NBPF11: variants seen among roughly 807,000 people sequenced by gnomAD.
The protein encoded by NBPF11 is NBPF family member NBPF11.
NBPF11 carries 72 observed loss-of-function variants against 93.9 expected under a neutral mutation model. That is an observed-to-expected ratio of 0.77 (90% confidence interval 0.63 to 0.93). The LOEUF (loss-of-function observed/expected upper bound fraction) is 0.93. Among genes scored for constraint, NBPF11 ranks in the 40% least tolerant of loss-of-function variants. NBPF11 has a pLI of 0.00. For synonymous variants in NBPF11, 224 were observed against 304.9 expected (o/e 0.73, Z 2.76); for missense variants, 705 against 802.2 (o/e 0.88, Z 1.46).
At chr1:148,113,432 T>C (rs1317877313) in intron 15 of NBPF11, among the ~76,000 whole-genome samples, 1 of 149,648 alleles carries the variant, frequency 6.7e-6, no homozygotes, top group Non-Finnish European at 1.5e-5. Flanking sequence ...ATCCTAAATA[T>C]ATATGCACCC....
chr1:148,149,184 T>G, intron 1 of NBPF11: 4 of 1,587,728 alleles, frequency 2.5e-6, no homozygotes, highest in South Asian at 2.2e-5. Context: ...CCGGACAGCA[T>G]CATCCTGTAC....
intron 4 of NBPF11, among the ~76,000 whole-genome samples, chr1:148,133,049 C>T (rs1160616346): frequency 6.7e-6 from 1 of 149,266 alleles, no homozygotes; most frequent in African/African-American, 2.5e-5. Context: ...GGTGCCCAGT[C>T]TGTTGAATTT....
chr1:148,146,364 C>T (rs1306187284), intron 1 of NBPF11: 4 of 1,516,754 alleles, frequency 2.6e-6, no homozygotes, highest in East Asian at 2.5e-5. Context: ...GCGGGGGCCC[C>T]GGTGGAGGCC....
chr1:148,103,110 G>T lies in NBPF11; in HGVS notation c.*786C>A, dbSNP rs1419757157. On this transcript the variant is annotated 3_prime_UTR_variant, in exon 24 of 24. Coordinates refer to ENST00000682118, the MANE Select transcript of NBPF11 (RefSeq NM_001385469.3). ...TTCCTAAGTACTGACACCAATTGGA[G>T]GCTGAAGGACTGTGGCTTCTCTAAC... The T allele has an allele frequency of 7.4e-5, 13 of 175,734 alleles. No individual in the cohort carries two copies. Among genetic ancestry groups the T allele is most frequent in the Admixed American group, 5.7e-5 (1 of 17,670 alleles). 10.9% of individuals were successfully genotyped at this position (175,734 alleles called of 1,614,324 possible). A position where few individuals can be genotyped will look rare whatever the true frequency, so the allele number is the denominator to read the frequency against.
Position 148,125,008 on chromosome 1 carries a change from A to G in NBPF11, c.176-7T>C. 5 of 1,571,078 alleles carry G rather than the reference A, an allele frequency of 3.2e-6. No individual in the cohort carries two copies. The highest frequency in any genetic ancestry group is 4.4e-6 in the Non-Finnish European group (5 of 1,146,416). On this transcript the variant is annotated splice_region_variant and splice_polypyrimidine_tract_variant and intron_variant, in intron 5 of 23. Coordinates refer to ENST00000682118, the MANE Select transcript of NBPF11 (RefSeq NM_001385469.3). The stretch of plus-strand genomic sequence containing the variant: ...TCTTTACACTCTTCATACTCTGAGA[A>G]AAGACAGACACGCCTGCCTCAGTGG...
chr1:148,114,561 T>G, intron 14 of NBPF11, 73 bp from the exon 15 acceptor site: 1 of 548,254 alleles, frequency 1.8e-6, no homozygotes, highest in Non-Finnish European at 3.2e-6. Context: ...CACTGTCCAG[T>G]CATAGCACAA....
intron 1 of NBPF11, among the ~76,000 whole-genome samples, chr1:148,148,360 G>A (rs1381270692): frequency 1.3e-5 from 2 of 152,202 alleles, no homozygotes; most frequent in African/African-American, 4.8e-5. Flanking sequence ...AGAGTTGTGG[G>A]GTCCCGGCAT....
chr1:148,108,391 T>G, intron 18 of NBPF11, 91 bp downstream of exon 18: 1 of 833,020 alleles, frequency 1.2e-6, no homozygotes. Flanking sequence ...CAATGACATC[T>G]CTCAGCTCAG....
intron 18 of NBPF11, among the ~76,000 whole-genome samples, 186 bp from the exon 19 acceptor site, chr1:148,107,948 A>G (rs1571409518): frequency 6.6e-6 from 1 of 151,470 alleles, no homozygotes; most frequent in African/African-American, 2.4e-5. Context: ...TGTCCCAGAA[A>G]CTGTGGGTAA....
In NBPF11 at chr1:148,103,330, C is replaced by T; in HGVS notation, c.*566G>A. 2.6e-6 allele frequency: 1 copy of T among 387,830 alleles called. No individual in the cohort carries two copies. The highest frequency in any genetic ancestry group is 4.9e-6 in the Non-Finnish European group (1 of 205,894). The allele number at this position is 387,830 out of a possible 1,614,324, so 24.0% of individuals were successfully genotyped here. On this transcript the variant is annotated 3_prime_UTR_variant, in exon 24 of 24. Coordinates refer to ENST00000682118, the MANE Select transcript of NBPF11 (RefSeq NM_001385469.3). Reference sequence around the variant, plus strand: ...GAGCTAAACACAAAGATGACACTGACCTTGAGCAGGTATAGAAGCTCAGAG... The same window carrying T: ...GAGCTAAACACAAAGATGACACTGATCTTGAGCAGGTATAGAAGCTCAGAG...
intron 2 of NBPF11, among the ~76,000 whole-genome samples, chr1:148,138,404 G>A (rs1241700564): frequency 1.9e-3 from 288 of 150,180 alleles, no homozygotes; most frequent in African/African-American, 7.1e-3. Flanking sequence ...CGGGCTGGGG[G>A]ACAGTCAGGT....
At chr1:148,149,223 T>A in intron 1 of NBPF11, 1 of 1,549,512 alleles carries the variant, frequency 6.5e-7, no homozygotes, top group Non-Finnish European at 8.7e-7. Flanking sequence ...GTGCCCACCA[T>A]GGACCTGGCC....
chr1:148,150,852 C>T lies in NBPF11; in HGVS notation c.-549+898G>A, dbSNP rs1245270503. On this transcript the variant is annotated intron_variant, in intron 1 of 23. Coordinates refer to ENST00000682118, the MANE Select transcript of NBPF11 (RefSeq NM_001385469.3). ...AAGCGAGTCTCCTGCCTCAGCCTCC[C>T]GAGTAGCTGGGACTACAGGCACCTG... 1.8e-3 allele frequency among the ~76,000 whole-genome samples: 278 copies of T among 151,676 alleles called. 7 individuals carry two copies. The highest frequency in any genetic ancestry group is 0.015 in the Admixed American group (225 of 15,252).
intron 2 of NBPF11, among the ~76,000 whole-genome samples, chr1:148,138,878 G>T (rs1226879641): frequency 6.6e-6 from 1 of 151,684 alleles, no homozygotes; most frequent in Non-Finnish European, 1.5e-5. Flanking sequence ...ATCACTTGAG[G>T]TCAAGAGTTA....
intron 15 of NBPF11, among the ~76,000 whole-genome samples, chr1:148,111,619 G>A (rs1553268664): frequency 2.6e-5 from 4 of 151,348 alleles, no homozygotes; most frequent in Non-Finnish European, 5.9e-5. Flanking sequence ...ACAAGCTTCA[G>A]TAGCCAATTC....
chr1:148,125,379 G>A (rs1396211656), intron 5 of NBPF11, among the ~76,000 whole-genome samples: 1 of 151,922 alleles, frequency 6.6e-6, no homozygotes, highest in East Asian at 1.9e-4. Context: ...GTACAGTCAG[G>A]AAGGCCCCTA....
rs1669268263 is a variant in NBPF11 at position 148,126,962 on chromosome 1, C to G, written c.42G>C (p.Glu14Asp). 1 of 842,138 alleles carries G rather than the reference C, an allele frequency of 1.2e-6. No homozygotes were observed. 52.2% of individuals were successfully genotyped at this position (842,138 alleles called of 1,614,324 possible). A position where few individuals can be genotyped will look rare whatever the true frequency, so the allele number is the denominator to read the frequency against. ...SAGPWSSEKA[E>D]MNILEINEKL... is the part of the protein sequence containing the mutation. ...TCTCGTTGATTTCTAGAATGTTCATCTCTGCCTTCTCGCTGGACCAAGGGC... is the reference window on the plus strand; with the variant it reads ...TCTCGTTGATTTCTAGAATGTTCATGTCTGCCTTCTCGCTGGACCAAGGGC... Residue 14 changes from glutamate to aspartate, a missense_variant, in exon 5 of 24, where the codon GAG becomes GAC. Glu to Asp is a conservative substitution (Grantham distance 45). Around this residue, in one of 12 missense-constraint regions of NBPF11, gnomAD observed 128 missense variants for 112.8 expected, o/e 1.14. Transcript: ENST00000682118.
At position 148,149,206 on chromosome 1, in the gene NBPF11, C is replaced by T. The variant is rs1303001437; in HGVS notation, c.-549+2544G>A. On this transcript the variant is annotated intron_variant, in intron 1 of 23. Transcript: ENST00000682118. The stretch of plus-strand genomic sequence containing the variant: ...GCATCATCCTGTACGGGCAGAGCAT[C>T]GGCACGGTGCCCACCATGGACCTGG... The T allele has an allele frequency of 8.0e-5, 124 of 1,550,596 alleles. 3 individuals carry two copies. The African/African-American group carries it at 1.3e-3, about 17-fold the overall frequency.
intron 9 of NBPF11, 97 bp downstream of exon 9, chr1:148,121,958 C>A (rs1176128527): frequency 3.2e-6 from 3 of 945,572 alleles, no homozygotes; most frequent in East Asian, 4.8e-5. Flanking sequence ...TAGTTTCTGA[C>A]TAAAACAATA....
Sources: allele counts gnomAD v4.1 joint callset (sites outside exome capture counted in the v4.1 genomes callset), GRCh38; gene constraint gnomAD v4.1.1; regional missense constraint gnomAD v4.1.1; transcripts MANE v1.5; gene names NCBI Gene and HGNC (gene_info 2026-07-23, HGNC 2026-07-21).